The following TAF2 variants were observed in gnomAD, a reference collection of about 807,000 sequenced individuals.
The protein encoded by TAF2 is transcription initiation factor TFIID subunit 2.
In TAF2, 61 loss-of-function variants were observed where a neutral mutation model predicts 138.5. The observed-to-expected ratio is 0.44, with a 90% CI of 0.36 to 0.54. The LOEUF (loss-of-function observed/expected upper bound fraction) is 0.54, where lower values mean the gene tolerates loss of function less well. TAF2 is among the 20% of genes least tolerant of loss of function. The probability of loss-of-function intolerance (pLI) is 0.00; values close to 1 mark genes in which losing one functional copy is unlikely to be tolerated. For synonymous variants in TAF2, 475 were observed against 469.9 expected (o/e 1.01, Z -0.14); for missense variants, 1,090 against 1,427.9 (o/e 0.76, Z 3.81).
intron 3 of TAF2, among the ~76,000 whole-genome samples, chr8:119,810,014 A>AAAC (rs147534214): frequency 2.0e-5 from 3 of 151,532 alleles, no homozygotes; most frequent in African/African-American, 7.3e-5. Flanking sequence ...AAAAAAAAAA[A>AAAC]AAACAGTATC....
At chr8:119,799,837 C>T (rs372669823) in intron 6 of TAF2, among the ~76,000 whole-genome samples, 6 of 152,128 alleles carry the variant, frequency 3.9e-5, no homozygotes, top group South Asian at 2.1e-4. Context: ...TTTTACTGAT[C>T]GCCATTCTAA....
At chr8:119,828,023 G>A (rs776958316) in intron 2 of TAF2, among the ~76,000 whole-genome samples, 11 of 152,102 alleles carry the variant, frequency 7.2e-5, no homozygotes, top group Admixed American at 2.0e-4. Flanking sequence ...GATTACAAGC[G>A]TGAGCCACTG....
chr8:119,755,917 T>C (rs1820672013), intron 22 of TAF2, 89 bp downstream of exon 22: 1 of 1,050,746 alleles, frequency 9.5e-7, no homozygotes, highest in South Asian at 1.4e-5. Flanking sequence ...CTTTTACCTT[T>C]AGTTCTAAAT....
At chr8:119,773,080 C>A (rs1821962729) in intron 18 of TAF2, among the ~76,000 whole-genome samples, 1 of 131,318 alleles carries the variant, frequency 7.6e-6, no homozygotes. Flanking sequence ...AAAAAGCAAG[C>A]TTGGATTTTC....
chr8:119,827,722 GC>G (rs1826190681), intron 2 of TAF2, among the ~76,000 whole-genome samples: 1 of 139,924 alleles, frequency 7.1e-6, no homozygotes, highest in Admixed American at 8.3e-5. Flanking sequence ...CACCAAAAAG[GC>G]CATGGAAGGA....
rs751252503 is a variant in TAF2 at position 119,832,496 on chromosome 8, T to G, written c.69A>C (p.Pro23=). 1.2e-6 allele frequency: 2 copies of G among 1,613,646 alleles called. No individual in the cohort carries two copies. Among genetic ancestry groups the G allele is most frequent in the Admixed American group, 1.7e-5 (1 of 60,004 alleles). Residue 23 remains proline, a synonymous_variant, in exon 1 of 26, where the codon CCA becomes CCC. Transcript: ENST00000378164. The stretch of plus-strand genomic sequence containing the variant: ...AAAATACTTATAATTTATATGGCCT[T>G]GGGCTTTCAAAGCCCTTGTCTCCTT... The part of the protein sequence containing the change: ...RKKGDKGFES[P]RPYKLTHQVV...
chr8:119,820,802 A>T (rs1825763868), intron 2 of TAF2, among the ~76,000 whole-genome samples: 2 of 152,332 alleles, frequency 1.3e-5, no homozygotes, highest in South Asian at 4.1e-4. Context: ...AACAATCAGC[A>T]CATATCTGTG....
intron 18 of TAF2, among the ~76,000 whole-genome samples, chr8:119,767,638 C>G (rs1821527816): frequency 6.6e-6 from 1 of 152,216 alleles, no homozygotes; most frequent in Admixed American, 6.5e-5. Context: ...ACTGCCCCAC[C>G]AGGGAAGGAG....
intron 18 of TAF2, among the ~76,000 whole-genome samples, chr8:119,763,476 TC>T (rs1821202269): frequency 6.6e-6 from 1 of 152,174 alleles, no homozygotes; most frequent in Non-Finnish European, 1.5e-5. Flanking sequence ...ACGCCTGTAA[TC>T]CCAGCACTTT....
intron 14 of TAF2, among the ~76,000 whole-genome samples, chr8:119,785,515 T>C (rs1028069012): frequency 6.6e-6 from 1 of 152,140 alleles, no homozygotes; most frequent in African/African-American, 2.4e-5. Context: ...TATAATAAAA[T>C]GTCAACCTAA....
chr8:119,804,670 T>A (rs1048795343), intron 4 of TAF2, among the ~76,000 whole-genome samples: 2 of 152,214 alleles, frequency 1.3e-5, no homozygotes. Flanking sequence ...TGTCAAACTA[T>A]AAGTTCATTA....
At chr8:119,757,364 T>C (rs756141206) in intron 21 of TAF2, among the ~76,000 whole-genome samples, 1 of 152,180 alleles carries the variant, frequency 6.6e-6, no homozygotes, top group Non-Finnish European at 1.5e-5. Flanking sequence ...TATTTTCATC[T>C]TTATATATAA....
intron 18 of TAF2, among the ~76,000 whole-genome samples, chr8:119,766,335 T>G (rs1233497216): frequency 6.6e-6 from 1 of 152,170 alleles, no homozygotes; most frequent in Non-Finnish European, 1.5e-5. Flanking sequence ...GGGATACTGC[T>G]AAACATGCTG....
intron 8 of TAF2, 67 bp downstream of exon 8, chr8:119,796,923 T>C (rs1823866847): frequency 3.5e-6 from 4 of 1,151,628 alleles, no homozygotes; most frequent in African/African-American, 1.5e-5. Context: ...TCAGCTTAAA[T>C]GCAGAGAAAG....
In TAF2 at chr8:119,832,542, G is replaced by A. The variant is rs17818842; in HGVS notation, c.23C>T (p.Pro8Leu). The A allele has an allele frequency of 0.15, 244,014 of 1,612,062 alleles. 18,835 individuals are homozygous for A. The highest frequency in any genetic ancestry group is 0.26 in the Middle Eastern group (1,485 of 5,734). MPLTGVEPARMNRKKGDK... is the reference protein window; with the variant it reads MPLTGVELARMNRKKGDK... ...TCCTTTCTTCCTGTTCATTCTGGCGGGCTCTACACCAGTCAGCGGCATGAA... is the reference window on the plus strand; with the variant it reads ...TCCTTTCTTCCTGTTCATTCTGGCGAGCTCTACACCAGTCAGCGGCATGAA... Residue 8 changes from proline (P) to leucine (L), a missense_variant, in exon 1 of 26, where the codon CCC becomes CTC. By Grantham distance (98) the Pro-to-Leu change is moderately conservative (BLOSUM62 -3). This residue lies in a region of TAF2 where 504 missense variants were observed against 680.9 expected (regional missense o/e 0.74). Coordinates refer to ENST00000378164, the MANE Select transcript of TAF2 (RefSeq NM_003184.4).
intron 6 of TAF2, among the ~76,000 whole-genome samples, chr8:119,799,094 GA>G (rs1164399683): frequency 2.0e-5 from 3 of 151,632 alleles, no homozygotes; most frequent in East Asian, 1.9e-4. Context: ...GCTCAGAGTA[GA>G]AAAAAAATTC....
Position 119,746,749 on chromosome 8 carries a change from T to G in TAF2, c.3064A>C (p.Asn1022His). 1 of 1,614,178 alleles carries G rather than the reference T, an allele frequency of 6.2e-7. No individual in the cohort carries two copies. Among genetic ancestry groups the G allele is most frequent in the Non-Finnish European group, 8.5e-7 (1 of 1,180,018 alleles). Residue 1022 changes from asparagine to histidine, a missense_variant, in exon 23 of 26, where the codon AAT (asparagine) becomes CAT (histidine). This residue lies in a region of TAF2 where 580 missense variants were observed against 719.6 expected (regional missense o/e 0.81). Coordinates refer to ENST00000378164, the MANE Select transcript of TAF2 (RefSeq NM_003184.4). ...AGCTGTGGGTGACTGCTTGGATTATTTGCAGCTTCTTGGTTGCCTGCTACT... is the reference window on the plus strand; with the variant it reads ...AGCTGTGGGTGACTGCTTGGATTATGTGCAGCTTCTTGGTTGCCTGCTACT... ...ESVAGNQEAA[N>H]NPSSHPQLVG... is the part of the protein sequence containing the mutation.
intron 18 of TAF2, chr8:119,766,892 T>A (rs148128893): frequency 1.3e-5 from 2 of 152,314 alleles, no homozygotes; most frequent in African/African-American, 4.8e-5. Flanking sequence ...AGGTATATAG[T>A]AACCTCTTCT....
chr8:119,787,493 C>T (rs1823103848), intron 14 of TAF2, among the ~76,000 whole-genome samples: 1 of 152,106 alleles, frequency 6.6e-6, no homozygotes, highest in African/African-American at 2.4e-5. Flanking sequence ...AAAAAAAGCT[C>T]ATCATCACTG....
Sources: gnomAD v4.1 joint callset for allele counts (sites outside exome capture counted in the v4.1 genomes callset) on GRCh38, gnomAD v4.1.1 for gene constraint, gnomAD v4.1.1 regional missense constraint, MANE v1.5 for transcripts, NCBI Gene and HGNC (gene_info 2026-07-23, HGNC 2026-07-21) for gene names.